Variants in CHUK observed in about 807,000 individuals in gnomAD.
CHUK encodes the protein component of inhibitor of nuclear factor kappa B kinase complex, also known as inhibitor of nuclear factor kappa-B kinase subunit alpha.
Under a neutral mutation model 104.8 loss-of-function variants are expected in CHUK, and 35 were observed. That is an observed-to-expected ratio of 0.33 (90% CI 0.26 to 0.44). The LOEUF is 0.44. Among genes scored for constraint, CHUK ranks in the 20% least tolerant of loss-of-function variants. The pLI is 1.00. For missense variants in CHUK, 663 were observed against 902.7 expected (o/e 0.73, Z 3.40); for synonymous variants, 276 against 291.9 (o/e 0.95, Z 0.56).
chr10:100,213,834 A>G (rs1457253256), intron 9 of CHUK, among the ~76,000 whole-genome samples: 1 of 152,214 alleles, frequency 6.6e-6, no homozygotes, highest in Non-Finnish European at 1.5e-5. Context: ...ACAAAATTTT[A>G]AAAAAGAAAT....
At chr10:100,227,189 TA>T (rs1438727351) in intron 1 of CHUK, among the ~76,000 whole-genome samples, 1 of 152,194 alleles carries the variant, frequency 6.6e-6, no homozygotes, top group African/African-American at 2.4e-5. Context: ...CTCCTTAATT[TA>T]TATTTCATCA....
intron 16 of CHUK, among the ~76,000 whole-genome samples, chr10:100,199,616 C>T (rs2134214412): frequency 6.6e-6 from 1 of 152,298 alleles, no homozygotes. Context: ...CATGAGCCAC[C>T]ACAACTGGCC....
chr10:100,217,532 T>C (rs567012645), intron 9 of CHUK, among the ~76,000 whole-genome samples: 223 of 152,270 alleles, frequency 1.5e-3, no homozygotes, highest in African/African-American at 5.0e-3. Context: ...CTGAGACAGC[T>C]TGCTAAATAA....
intron 2 of CHUK, among the ~76,000 whole-genome samples, chr10:100,223,610 TA>T (rs11287365): frequency 0.22 from 31,726 of 147,034 alleles, 6,148 homozygotes; most frequent in African/African-American, 0.52. Flanking sequence ...ACATCTCTTT[TA>T]AAAAAAAAAA....
chr10:100,196,561 A>T (rs1477166377), intron 16 of CHUK, among the ~76,000 whole-genome samples: 1 of 151,884 alleles, frequency 6.6e-6, no homozygotes, highest in East Asian at 1.9e-4. Flanking sequence ...CTTTTTAAAA[A>T]TTTTATTGAT....
intron 16 of CHUK, among the ~76,000 whole-genome samples, chr10:100,196,711 T>C (rs1845339663): frequency 6.6e-6 from 1 of 152,176 alleles, no homozygotes; most frequent in African/African-American, 2.4e-5. Context: ...TCTTAATGAA[T>C]GTTTTGGGTC....
intron 14 of CHUK, among the ~76,000 whole-genome samples, chr10:100,201,630 G>A (rs892912244): frequency 1.2e-4 from 18 of 152,184 alleles, no homozygotes; most frequent in African/African-American, 4.1e-4. Flanking sequence ...TGAGGTGGGA[G>A]GATTGCTTAA....
chr10:100,202,363 AC>A (rs1845483654), intron 13 of CHUK, among the ~76,000 whole-genome samples: 1 of 152,198 alleles, frequency 6.6e-6, no homozygotes, highest in East Asian at 1.9e-4. Flanking sequence ...TAATACTCAT[AC>A]TGGAATGGTC....
intron 13 of CHUK, among the ~76,000 whole-genome samples, chr10:100,202,519 A>G (rs990092663): frequency 6.6e-6 from 1 of 152,202 alleles, no homozygotes; most frequent in African/African-American, 2.4e-5. Context: ...GCAGACCATA[A>G]GAAGCTAGAG....
chr10:100,221,879 G>A (rs1039031593), intron 4 of CHUK, among the ~76,000 whole-genome samples: 2 of 152,108 alleles, frequency 1.3e-5, no homozygotes, highest in Non-Finnish European at 2.9e-5. Flanking sequence ...CTTGTGATCC[G>A]CCTACCTTGG....
In CHUK at chr10:100,209,719, T is replaced by A. The variant is rs758049641; in HGVS notation, c.1004A>T (p.His335Leu). 6.4e-7 allele frequency: 1 copy of A among 1,567,612 alleles called. No individual in the cohort carries two copies. Among genetic ancestry groups the A allele is most frequent in the African/African-American group, 1.4e-5 (1 of 73,892 alleles). Reference sequence around the variant, plus strand: ...ACGCTCAATACGAGACTGTAGTGAATGAAGACTTTCATCAGGTGGTAACAG... The same window carrying A: ...ACGCTCAATACGAGACTGTAGTGAAAGAAGACTTTCATCAGGTGGTAACAG... ...SFLLPPDESLHSLQSRIERET... is the reference protein window; with the variant it reads ...SFLLPPDESLLSLQSRIERET... Residue 335 changes from histidine to leucine, a missense_variant, in exon 10 of 21, where the codon CAT (histidine) becomes CTT (leucine). Physicochemically the swap from His to Leu is moderately conservative, Grantham distance 99 (BLOSUM62 -3). Around this residue, in one of 5 missense-constraint regions of CHUK, gnomAD observed 93 missense variants for 95.9 expected, o/e 0.97. Transcript: ENST00000370397.
chr10:100,212,979 C>T lies in CHUK; in HGVS notation c.934-3190G>A, dbSNP rs751887431. ...CAAGATCGCGCCACTGCACTCCAGG[C>T]GACAGAGTGAGACTTTGTCTCAAAA... On this transcript the variant is annotated intron_variant, in intron 9 of 20. Transcript: ENST00000370397. 7.3e-4 allele frequency among the ~76,000 whole-genome samples: 95 copies of T among 129,862 alleles called. 1 individual carries two copies. The highest frequency in any genetic ancestry group is 1.2e-3 in the Non-Finnish European group (77 of 64,482). The allele number at this position is 129,862 out of a possible 152,430, so 85.2% of individuals were successfully genotyped here.
At position 100,222,188 on chromosome 10, in the gene CHUK, A is replaced by C; in HGVS notation, c.316-7T>G. 6.4e-7 allele frequency: 1 copy of C among 1,572,842 alleles called. No individual in the cohort carries two copies. ...TTTCTGGTTTGTTGAGCAGCTAAAA[A>C]AAGAAAGAAATCTAAAAATCTGTTC... On this transcript the variant is annotated splice_polypyrimidine_tract_variant and splice_region_variant and intron_variant, in intron 3 of 20. Coordinates refer to ENST00000370397, the MANE Select transcript of CHUK (RefSeq NM_001278.5).
chr10:100,196,546 C>A (rs1320106345), intron 16 of CHUK, among the ~76,000 whole-genome samples: 1 of 152,050 alleles, frequency 6.6e-6, no homozygotes, highest in East Asian at 1.9e-4. Context: ...CACTACCACA[C>A]CCAGCTTTTT....
rs17881304 is a variant in CHUK at position 100,198,856 on chromosome 10, AT to A, written c.1729+1114del. 3.0e-3 allele frequency among the ~76,000 whole-genome samples: 457 copies of A among 152,354 alleles called. 4 individuals carry two copies. The highest frequency in any genetic ancestry group is 0.011 in the African/African-American group (446 of 41,578). ...TAACATGCATTTAAGTATAATGCAC[AT>A]TAGGGCACAGACTTTATTTCTTCTG... On this transcript the variant is annotated intron_variant, in intron 16 of 20. Transcript: ENST00000370397.
At chr10:100,195,190 A>T (rs555072178) in intron 16 of CHUK, 2 of 152,334 alleles carry the variant, frequency 1.3e-5, no homozygotes, top group South Asian at 4.1e-4. Context: ...ATTAATTGTT[A>T]TATTTCAGAA....
At chr10:100,227,547 C>CTTT (rs760365883) in intron 1 of CHUK, among the ~76,000 whole-genome samples, 58 of 143,370 alleles carry the variant, frequency 4.0e-4, no homozygotes, top group African/African-American at 1.0e-3. Flanking sequence ...TTGGCTCCCA[C>CTTT]TTTTTTTTTT....
chr10:100,193,238 C>T, intron 19 of CHUK, 60 bp downstream of exon 19: 3 of 1,580,776 alleles, frequency 1.9e-6, no homozygotes, highest in South Asian at 2.2e-5. Context: ...ACAACTACTG[C>T]CTCATTCCTA....
intron 9 of CHUK, among the ~76,000 whole-genome samples, chr10:100,211,689 T>C (rs1845732310): frequency 6.6e-6 from 1 of 152,222 alleles, no homozygotes; most frequent in African/African-American, 2.4e-5. Flanking sequence ...TTGAATACTA[T>C]TCCACTGTGT....
Sources: allele counts gnomAD v4.1 joint callset (sites outside exome capture counted in the v4.1 genomes callset), GRCh38; gene constraint gnomAD v4.1.1; regional missense constraint gnomAD v4.1.1; transcripts MANE v1.5; gene names NCBI Gene and HGNC (gene_info 2026-07-23, HGNC 2026-07-21).